The following ZNF350 variants were observed in gnomAD, a reference collection of about 807,000 sequenced individuals.
The protein encoded by ZNF350 is KRAB zinc finger protein ZFQR.
In ZNF350, 5 loss-of-function variants were observed where a neutral mutation model predicts 13.1. The ratio of observed to expected loss-of-function variants is 0.38; its 90% CI spans 0.20 to 0.80. The LOEUF (loss-of-function observed/expected upper bound fraction) is 0.80. Among genes scored for constraint, ZNF350 ranks in the 30% least tolerant of loss-of-function variants. The pLI, the probability that ZNF350 is intolerant of heterozygous loss-of-function variation, is 0.43. For missense variants in ZNF350, 534 were observed against 644.2 expected (o/e 0.83, Z 1.85); for synonymous variants, 199 against 224.2 (o/e 0.89, Z 1.00).
chr19:51,983,049 A>T (rs2086083601), intron 1 of ZNF350, among the ~76,000 whole-genome samples: 1 of 152,198 alleles, frequency 6.6e-6, no homozygotes, highest in African/African-American at 2.4e-5. Context: ...TACAAAGAAA[A>T]GTTCCTCTGT....
In ZNF350 at chr19:51,965,621, T is replaced by C; in HGVS notation, c.832A>G (p.Asn278Asp). 6.2e-7 allele frequency: 1 copy of C among 1,614,232 alleles called. No homozygotes were observed. The highest frequency in any genetic ancestry group is 8.5e-7 in the Non-Finnish European group (1 of 1,180,030). ...GKAFLKKSRL[N>D]IHQKTHTGEK... ...CCGGTATGTGTTTTCTGATGTATGT[T>C]GAGCCGTGATTTCTTGAGAAAGGCT... Residue 278 changes from asparagine (N) to aspartate (D), a missense_variant, in exon 5 of 5, where the codon AAC (asparagine) becomes GAC (aspartate). Transcript: ENST00000243644.
intron 2 of ZNF350, among the ~76,000 whole-genome samples, chr19:51,971,427 G>A (rs2085732718): frequency 6.6e-6 from 1 of 152,182 alleles, no homozygotes; most frequent in African/African-American, 2.4e-5. Context: ...CCCACTTACA[G>A]GGAGCCAAAG....
intron 1 of ZNF350, among the ~76,000 whole-genome samples, chr19:51,983,594 T>C (rs1467502278): frequency 6.6e-6 from 1 of 152,202 alleles, no homozygotes; most frequent in Non-Finnish European, 1.5e-5. Flanking sequence ...AAGATGTCTG[T>C]GTAAAGTCAA....
Position 51,966,210 on chromosome 19 carries a change from T to C in ZNF350, c.243A>G (p.Ile81Met), listed in dbSNP as rs1246719084. The C allele has an allele frequency of 2.6e-6, 4 of 1,563,662 alleles. No individual in the cohort carries two copies. The highest frequency in any genetic ancestry group is 2.8e-5 in the African/African-American group (2 of 72,582). ...GCTCCAGCACATGATCAACTTTCCA[T>C]ATGTCTAGAAAGAAAAGAACAAAGA... ...DGIHSGACSD[I>M]WKVDHVLERL... Residue 81 changes from isoleucine to methionine, a missense_variant, in exon 5 of 5, where the codon ATA becomes ATG. Physicochemically the swap from Ile to Met is conservative, Grantham distance 10. Transcript: ENST00000243644.
At chr19:51,975,705 TA>T (rs2085874638) in intron 1 of ZNF350, among the ~76,000 whole-genome samples, 1 of 152,246 alleles carries the variant, frequency 6.6e-6, no homozygotes, top group Non-Finnish European at 1.5e-5. Context: ...CAGAATGGAT[TA>T]AAAATTAAAA....
At chr19:51,968,924 G>A in intron 3 of ZNF350, 81 bp downstream of exon 3, 1 of 1,612,646 alleles carries the variant, frequency 6.2e-7, no homozygotes. Flanking sequence ...AGTACTGCAG[G>A]CATTCCAAAG....
intron 1 of ZNF350, chr19:51,984,277 C>G (rs1284638007): frequency 6.6e-6 from 1 of 151,108 alleles, no homozygotes; most frequent in East Asian, 1.9e-4. Context: ...ATTTTAGAAT[C>G]AACTGTCAAT....
intron 2 of ZNF350, among the ~76,000 whole-genome samples, chr19:51,969,874 C>G (rs1303022538): frequency 6.6e-6 from 1 of 152,070 alleles, no homozygotes; most frequent in African/African-American, 2.4e-5. Flanking sequence ...TTGCATGTAA[C>G]CCATGCACAT....
intron 1 of ZNF350, among the ~76,000 whole-genome samples, chr19:51,979,145 C>T (rs984230652): frequency 1.3e-5 from 2 of 152,106 alleles, no homozygotes; most frequent in African/African-American, 4.8e-5. Flanking sequence ...TGACATCAAC[C>T]CCCATAACCT....
At position 51,965,977 on chromosome 19, in the gene ZNF350, C is replaced by G; in HGVS notation, c.476G>C (p.Gly159Ala). 1.2e-6 allele frequency: 2 copies of G among 1,614,080 alleles called. No homozygotes were observed. The highest frequency in any genetic ancestry group is 1.7e-6 in the Non-Finnish European group (2 of 1,180,032). The change falls in exon 5 of 5, where the codon GGA (glycine) becomes GCA (alanine). Residue 159 changes from glycine (G) to alanine (A), a missense_variant. Transcript: ENST00000243644. ...YEIKNSVEFT[G>A]NGDSFLHANH... Reference sequence around the variant, plus strand: ...AGCATGAAGAAAGGAGTCCCCATTTCCAGTAAACTCAACAGAGTTCTTTAT... The same window carrying G: ...AGCATGAAGAAAGGAGTCCCCATTTGCAGTAAACTCAACAGAGTTCTTTAT...
In ZNF350 at chr19:51,974,355, G is replaced by A; in HGVS notation, c.6C>T (p.Ile2=). 6.2e-7 allele frequency: 1 copy of A among 1,613,844 alleles called. No individual in the cohort carries two copies. The highest frequency in any genetic ancestry group is 8.5e-7 in the Non-Finnish European group (1 of 1,179,848). Residue 2 remains isoleucine, a synonymous_variant, in exon 2 of 5, where the codon ATC becomes ATT. Transcript: ENST00000243644. ...ACCAAAAGTCAGTTACCTGGGCCTG[G>A]ATCATTTTCTTCTGTTCTTGGAAGA... The part of the protein sequence containing the change: M[I]QAQESITLED...
intron 2 of ZNF350, among the ~76,000 whole-genome samples, chr19:51,972,245 C>T (rs761047211): frequency 1.9e-4 from 28 of 149,628 alleles, no homozygotes; most frequent in Non-Finnish European, 3.3e-4. Flanking sequence ...TGCTTGAGCC[C>T]AGGAGTTCAA....
chr19:51,983,862 C>A (rs1243866299), intron 1 of ZNF350, among the ~76,000 whole-genome samples: 3 of 152,350 alleles, frequency 2.0e-5, no homozygotes, highest in African/African-American at 7.2e-5. Flanking sequence ...TCTGTACTTT[C>A]TCTCTGTGTC....
intron 4 of ZNF350, chr19:51,967,381 G>A (rs1356845097): frequency 6.6e-6 from 1 of 151,514 alleles, no homozygotes; most frequent in African/African-American, 2.4e-5. Context: ...CTCCAGCCTG[G>A]GCACAGAGCA....
Position 51,984,706 on chromosome 19 carries a change from C to T in ZNF350, c.-172+2064G>A, listed in dbSNP as rs10439121. 3.5e-3 allele frequency among the ~76,000 whole-genome samples: 533 copies of T among 152,190 alleles called. 4 individuals carry two copies. Among genetic ancestry groups the T allele is most frequent in the Middle Eastern group, 0.014 (4 of 294 alleles). ...GAATGTGATAGAAAACCTATTATAC[C>T]TTTGGTCCAGCCTGCAAGAATGCTT... is the stretch of plus-strand genomic sequence containing the variant. On this transcript the variant is annotated intron_variant, in intron 1 of 4. Transcript: ENST00000243644.
rs1223617759 is a variant in ZNF350 at position 51,976,368 on chromosome 19, C to T, written c.-171-1837G>A. On this transcript the variant is annotated intron_variant, in intron 1 of 4. Transcript: ENST00000243644. This position sits in a 1 kb window ranked among gnomAD's most constrained non-coding sequence, Gnocchi z 4.5. Reference sequence around the variant, plus strand: ...CACTCTTTTGTCTCATCTTTATTCCCGTGTTCACCCCACTTTGTTTAGTCC... The same window carrying T: ...CACTCTTTTGTCTCATCTTTATTCCTGTGTTCACCCCACTTTGTTTAGTCC... The T allele has an allele frequency of 2.6e-5, 4 of 152,232 alleles. No homozygotes were observed. The highest frequency in any genetic ancestry group is 7.2e-5 in the African/African-American group (3 of 41,426). 9.4% of individuals were successfully genotyped at this position (152,232 alleles called of 1,614,324 possible).
chr19:51,982,561 T>C (rs1301102530), intron 1 of ZNF350, among the ~76,000 whole-genome samples: 2 of 152,206 alleles, frequency 1.3e-5, no homozygotes, highest in Admixed American at 6.5e-5. Context: ...AAAGATGTAC[T>C]ATAAAGATGG....
intron 1 of ZNF350, among the ~76,000 whole-genome samples, chr19:51,975,817 C>T (rs1046444294): frequency 1.3e-5 from 2 of 152,026 alleles, no homozygotes; most frequent in African/African-American, 4.8e-5. Flanking sequence ...CTCGGCCTCC[C>T]GGGTTCAAGC....
intron 2 of ZNF350, chr19:51,972,925 AG>A (rs1434082027): frequency 6.6e-6 from 1 of 151,424 alleles, no homozygotes; most frequent in Non-Finnish European, 1.5e-5. Context: ...AGTAGGCATA[AG>A]CCACTGCACT....
Sources: gnomAD v4.1 joint callset for allele counts (sites outside exome capture counted in the v4.1 genomes callset) on GRCh38, gnomAD v4.1.1 for gene constraint, Gnocchi (gnomAD v3.1) non-coding constraint, MANE v1.5 for transcripts, NCBI Gene and HGNC (gene_info 2026-07-23, HGNC 2026-07-21) for gene names.